The following KCNIP4 variants were observed in gnomAD, a reference collection of about 807,000 sequenced individuals.
The protein encoded by KCNIP4 is potassium voltage-gated channel interacting protein 4.
In KCNIP4, 12 loss-of-function variants were observed where a neutral mutation model predicts 34.0. That is an observed-to-expected ratio of 0.35 (90% CI 0.23 to 0.57). The LOEUF is 0.57. Among genes scored for constraint, KCNIP4 ranks in the 20% least tolerant of loss-of-function variants. The pLI is 0.83. For synonymous variants in KCNIP4, 124 were observed against 102.2 expected, an observed-to-expected ratio of 1.21 and a Z score of -1.29; for missense variants, 238 against 311.7, an observed-to-expected ratio of 0.76 and a Z score of 1.78.
At chr4:21,276,416 G>A (rs1560243428) in intron 1 of KCNIP4, among the ~76,000 whole-genome samples, 1 of 145,430 alleles carries the variant, frequency 6.9e-6, no homozygotes. Flanking sequence ...TGGCCAGGCT[G>A]GTCTCGAACG....
At chr4:21,807,241 T>C (rs1210026843) in intron 1 of KCNIP4, among the ~76,000 whole-genome samples, 17 of 152,282 alleles carry the variant, frequency 1.1e-4, no homozygotes, top group Admixed American at 1.1e-3. Context: ...CTTCGCTTGC[T>C]CACTGACACT....
chr4:20,935,819 T>G (rs921210182), intron 1 of KCNIP4, among the ~76,000 whole-genome samples: 1 of 151,998 alleles, frequency 6.6e-6, no homozygotes, highest in Non-Finnish European at 1.5e-5. Context: ...TCCTACTACA[T>G]CTATCCAAAC....
intron 1 of KCNIP4, among the ~76,000 whole-genome samples, chr4:21,876,519 A>G (rs977220763): frequency 4.0e-5 from 6 of 151,878 alleles, no homozygotes; most frequent in African/African-American, 1.2e-4. Context: ...GAAGGAAAAG[A>G]CTCCCTTTCT....
intron 1 of KCNIP4, among the ~76,000 whole-genome samples, chr4:20,962,232 G>A (rs945957265): frequency 6.6e-5 from 10 of 152,116 alleles, no homozygotes; most frequent in Non-Finnish European, 1.3e-4. Flanking sequence ...CCCCTACACC[G>A]TGAACTGGGG....
intron 1 of KCNIP4, among the ~76,000 whole-genome samples, chr4:21,782,368 T>G (rs972548550): frequency 2.0e-5 from 3 of 152,206 alleles, no homozygotes; most frequent in African/African-American, 7.2e-5. Flanking sequence ...TAGGCACTTA[T>G]GCCAAATAAA....
At chr4:21,374,453 A>G (rs976074761) in intron 1 of KCNIP4, among the ~76,000 whole-genome samples, 3 of 147,140 alleles carry the variant, frequency 2.0e-5, no homozygotes, top group Non-Finnish European at 4.4e-5. Context: ...AACCATACCC[A>G]TGATTCAGTT....
intron 2 of KCNIP4, among the ~76,000 whole-genome samples, chr4:20,857,284 C>G (rs890254935): frequency 6.6e-6 from 1 of 152,100 alleles, no homozygotes; most frequent in African/African-American, 2.4e-5. Flanking sequence ...CTATGGGGAG[C>G]ACGGCATGAT....
chr4:21,815,013 C>T (rs921181594), intron 1 of KCNIP4, among the ~76,000 whole-genome samples: 1 of 152,170 alleles, frequency 6.6e-6, no homozygotes, highest in African/African-American at 2.4e-5. Flanking sequence ...TGCTGGGAGT[C>T]AGACAATGTA....
intron 1 of KCNIP4, among the ~76,000 whole-genome samples, chr4:21,432,123 T>TAC (rs1405016262): frequency 2.7e-5 from 3 of 111,204 alleles, no homozygotes; most frequent in Non-Finnish European, 1.9e-5. Context: ...TATATATATA[T>TAC]ATATATATAT....
intron 1 of KCNIP4, among the ~76,000 whole-genome samples, chr4:21,312,121 C>T (rs948420895): frequency 6.6e-6 from 1 of 152,120 alleles, no homozygotes; most frequent in Non-Finnish European, 1.5e-5. Context: ...AATGGAGGAA[C>T]AATAGACAGG....
At chr4:21,544,118 C>A (rs1301633264) in intron 1 of KCNIP4, among the ~76,000 whole-genome samples, 1 of 151,994 alleles carries the variant, frequency 6.6e-6, no homozygotes, top group Non-Finnish European at 1.5e-5. Flanking sequence ...TGGTCTTTCC[C>A]AGCTTTTTGC....
rs537858344 is a variant in KCNIP4 at position 21,644,032 on chromosome 4, G to T, written c.61+304539C>A. On this transcript the variant is annotated intron_variant, in intron 1 of 8. Coordinates refer to ENST00000382152, the MANE Select transcript of KCNIP4 (RefSeq NM_025221.6). ...TTTTTCTTTTTCATTTTACATATCAGAAAAGAAAAGCCTTCTAAGTTGTGT... is the reference window on the plus strand; with the variant it reads ...TTTTTCTTTTTCATTTTACATATCATAAAAGAAAAGCCTTCTAAGTTGTGT... Among the ~76,000 whole-genome samples the T allele has an allele frequency of 2.0e-5, 3 of 151,742 alleles. No homozygotes were observed. In the South Asian group the frequency reaches 6.3e-4, roughly 32 times the overall value.
intron 1 of KCNIP4, among the ~76,000 whole-genome samples, chr4:21,058,115 T>G (rs1337822297): frequency 1.3e-5 from 2 of 152,062 alleles, no homozygotes; most frequent in Non-Finnish European, 2.9e-5. Context: ...GGTTGAAAAA[T>G]AAAAACCTAT....
At chr4:21,057,416 C>A (rs538718697) in intron 1 of KCNIP4, among the ~76,000 whole-genome samples, 17 of 152,152 alleles carry the variant, frequency 1.1e-4, no homozygotes, top group African/African-American at 2.4e-4. Context: ...ATGAAGGAAA[C>A]CTTTGTTAGC....
intron 2 of KCNIP4, among the ~76,000 whole-genome samples, chr4:20,857,869 T>C (rs541399753): frequency 6.6e-6 from 1 of 152,176 alleles, no homozygotes; most frequent in Admixed American, 6.5e-5. Flanking sequence ...CAAATTCATA[T>C]GTTGAAGGTC....
chr4:20,757,788 T>G (rs898382454), intron 4 of KCNIP4, among the ~76,000 whole-genome samples: 7 of 152,098 alleles, frequency 4.6e-5, no homozygotes, highest in African/African-American at 1.7e-4. Flanking sequence ...ATGAGGATTA[T>G]AGGTAGGGTT....
rs148018666 is a variant in KCNIP4, at chr4:21,248,082, T to C, written c.62-365373A>G. On this transcript the variant is annotated intron_variant, in intron 1 of 8. Coordinates refer to ENST00000382152, the MANE Select transcript of KCNIP4 (RefSeq NM_025221.6). Reference sequence around the variant, plus strand: ...TATATGTGTGTGTGTGTGTGTGTTCTGCACAGCATGAGTACACATGCAATA... The same window carrying C: ...TATATGTGTGTGTGTGTGTGTGTTCCGCACAGCATGAGTACACATGCAATA... 9.5e-4 allele frequency among the ~76,000 whole-genome samples: 125 copies of C among 131,152 alleles called. 1 individual carries two copies. Among genetic ancestry groups the C allele is most frequent in the African/African-American group, 4.1e-3 (119 of 29,016 alleles). The allele number at this position is 131,152 out of a possible 152,430, so 86.0% of individuals were successfully genotyped here. A position where few individuals can be genotyped will look rare whatever the true frequency, so the allele number is the denominator to read the frequency against.
intron 1 of KCNIP4, among the ~76,000 whole-genome samples, chr4:21,191,805 GACTATTCAGAT>G (rs1270777111): frequency 6.6e-6 from 1 of 152,134 alleles, no homozygotes; most frequent in African/African-American, 2.4e-5. Flanking sequence ...CCTCCTTGCT[GACTATTCAGAT>G]ACATGTAAAG....
At chr4:21,604,151 T>C (rs1369759112) in intron 1 of KCNIP4, among the ~76,000 whole-genome samples, 2 of 152,172 alleles carry the variant, frequency 1.3e-5, no homozygotes, top group Non-Finnish European at 2.9e-5. Context: ...TTTTGAATAA[T>C]ATACCTTCTA....
Sources: gnomAD v4.1 joint callset for allele counts (sites outside exome capture counted in the v4.1 genomes callset) on GRCh38, gnomAD v4.1.1 for gene constraint, MANE v1.5 for transcripts, NCBI Gene and HGNC (gene_info 2026-07-23, HGNC 2026-07-21) for gene names.